ABI3BP: variants seen among roughly 807,000 people sequenced by gnomAD.
ABI3BP encodes the protein ABI family member 3 binding protein, also known as target of Nesh-SH3.
In ABI3BP, 216 loss-of-function variants were observed where a neutral mutation model predicts 268.6. The ratio of observed to expected loss-of-function variants is 0.80; its 90% confidence interval spans 0.72 to 0.90. The LOEUF is 0.90. Ranked by LOEUF, ABI3BP falls within the 40% of genes least tolerant of loss-of-function variation. ABI3BP has a pLI of 0.00. For missense variants in ABI3BP, 2,090 were observed against 2,182.4 expected (o/e 0.96, Z 0.84); for synonymous variants, 730 against 730.0 (o/e 1.00, Z 0.00).
chr3:100,949,806 TGAA>T (rs2074152633), intron 1 of ABI3BP, among the ~76,000 whole-genome samples: 3 of 152,182 alleles, frequency 2.0e-5, no homozygotes, highest in African/African-American at 4.8e-5. Flanking sequence ...AGTGGCGTTT[TGAA>T]GAAGGAGGAC....
chr3:100,900,423 G>T (rs1475614254), intron 3 of ABI3BP, among the ~76,000 whole-genome samples: 1 of 152,204 alleles, frequency 6.6e-6, no homozygotes, highest in East Asian at 1.9e-4. Flanking sequence ...ATTGTCCAAA[G>T]TCACATTAAG....
rs773857257 is a variant in ABI3BP at position 100,902,652 on chromosome 3, A to G, written c.294T>C (p.Pro98=). The G allele has an allele frequency of 1.2e-5, 19 of 1,613,844 alleles. No homozygotes were observed. The highest frequency in any genetic ancestry group is 1.4e-5 in the Non-Finnish European group (17 of 1,179,874). The change falls in exon 3 of 68, where the codon CCT becomes CCC. Residue 98 remains proline, a synonymous_variant. Transcript: ENST00000471714. ...ACTTCTTTTGACTTGGAGGTGGAGC[A>G]GGTCGCACAACTATCAGATATTTCG... ...AEPKYLIVVR[P]APPPSQKKSC...
chr3:100,889,053 A>G (rs1466314417), intron 4 of ABI3BP, among the ~76,000 whole-genome samples: 1 of 152,116 alleles, frequency 6.6e-6, no homozygotes, highest in East Asian at 1.9e-4. Context: ...TTCCAAAGAC[A>G]TATTGATTTA....
At chr3:100,842,473 G>A (rs1007816555) in intron 20 of ABI3BP, among the ~76,000 whole-genome samples, 2 of 152,132 alleles carry the variant, frequency 1.3e-5, no homozygotes, top group Non-Finnish European at 2.9e-5. Context: ...TGGACCTGAC[G>A]TTCTCTCACA....
intron 1 of ABI3BP, among the ~76,000 whole-genome samples, chr3:100,938,267 C>A (rs1313892521): frequency 6.7e-6 from 1 of 149,402 alleles, no homozygotes; most frequent in African/African-American, 2.5e-5. Flanking sequence ...CCCTATATAA[C>A]AAACCTGCAC....
intron 31 of ABI3BP, among the ~76,000 whole-genome samples, chr3:100,831,756 A>G (rs1422871147): frequency 6.6e-6 from 1 of 152,118 alleles, no homozygotes; most frequent in Non-Finnish European, 1.5e-5. Flanking sequence ...ATTATCCTGG[A>G]CATTTTCCTC....
chr3:100,957,049 T>C (rs1449299), intron 1 of ABI3BP, among the ~76,000 whole-genome samples: 28 of 152,006 alleles, frequency 1.8e-4, no homozygotes, highest in Admixed American at 3.9e-4. Context: ...AAAATCTGAT[T>C]TATATTTTTA....
chr3:100,769,969 C>T (rs1224354145), intron 62 of ABI3BP, among the ~76,000 whole-genome samples: 1 of 152,136 alleles, frequency 6.6e-6, no homozygotes, highest in Non-Finnish European at 1.5e-5. Context: ...ATCCTGAGTC[C>T]CTGCATGCGC....
chr3:100,762,775 G>T (rs759424779), intron 63 of ABI3BP, among the ~76,000 whole-genome samples: 1 of 152,126 alleles, frequency 6.6e-6, no homozygotes, highest in Non-Finnish European at 1.5e-5. Flanking sequence ...CGGAGGCTAG[G>T]ATCTATTGAA....
chr3:100,782,967 A>G (rs1041863670), intron 57 of ABI3BP, among the ~76,000 whole-genome samples: 5 of 152,240 alleles, frequency 3.3e-5, no homozygotes, highest in South Asian at 2.1e-4. Context: ...TGAGCCCCCA[A>G]CTGCCATAAA....
intron 6 of ABI3BP, among the ~76,000 whole-genome samples, chr3:100,878,787 G>A (rs2099191563): frequency 1.3e-5 from 1 of 79,956 alleles, no homozygotes; most frequent in Admixed American, 1.8e-4. Flanking sequence ...TTCTCCACCT[G>A]TGCCTGCTCC....
intron 1 of ABI3BP, among the ~76,000 whole-genome samples, chr3:100,992,393 C>A (rs555381837): frequency 6.6e-6 from 1 of 152,148 alleles, no homozygotes; most frequent in Non-Finnish European, 1.5e-5. Flanking sequence ...TTAGGCACAC[C>A]AGGTTCTTGA....
intron 48 of ABI3BP, 125 bp from the exon 49 acceptor site, chr3:100,810,602 A>G: frequency 1.6e-6 from 1 of 635,122 alleles, no homozygotes; most frequent in Non-Finnish European, 2.6e-6. Flanking sequence ...TCTGCAGCAA[A>G]ACAGCATTCC....
intron 50 of ABI3BP, among the ~76,000 whole-genome samples, chr3:100,806,764 T>C (rs2097720260): frequency 6.6e-6 from 1 of 152,004 alleles, no homozygotes; most frequent in South Asian, 2.1e-4. Flanking sequence ...AGTTAGAGAG[T>C]GGAACTCACT....
chr3:100,783,617 T>G (rs916188209), intron 57 of ABI3BP, among the ~76,000 whole-genome samples: 2 of 152,032 alleles, frequency 1.3e-5, no homozygotes, highest in East Asian at 1.9e-4. Flanking sequence ...GCCCACAGAG[T>G]TGAAAACATT....
At chr3:100,903,413 G>A (rs549393177) in intron 2 of ABI3BP, among the ~76,000 whole-genome samples, 21 of 152,330 alleles carry the variant, frequency 1.4e-4, no homozygotes, top group African/African-American at 4.6e-4. Context: ...TCTGCAAGAT[G>A]AATGGCTGGT....
intron 9 of ABI3BP, among the ~76,000 whole-genome samples, chr3:100,868,759 G>A (rs1395340945): frequency 6.6e-6 from 1 of 152,120 alleles, no homozygotes; most frequent in Non-Finnish European, 1.5e-5. Flanking sequence ...ATATTTAATA[G>A]CATTGTTCAA....
chr3:100,765,040 G>T (rs916456470), intron 63 of ABI3BP, among the ~76,000 whole-genome samples: 27 of 150,996 alleles, frequency 1.8e-4, no homozygotes, highest in Middle Eastern at 3.4e-3. Context: ...GCCAAAATAG[G>T]CTCTTTTGAG....
intron 46 of ABI3BP, 145 bp from the exon 47 acceptor site, chr3:100,811,944 A>G: frequency 1.5e-6 from 1 of 653,350 alleles, no homozygotes. Flanking sequence ...TAGATTATGA[A>G]GATGACCACA....
Sources: gnomAD v4.1 joint callset for allele counts (sites outside exome capture counted in the v4.1 genomes callset) on GRCh38, gnomAD v4.1.1 for gene constraint, MANE v1.5 for transcripts, NCBI Gene and HGNC (gene_info 2026-07-23, HGNC 2026-07-21) for gene names.